Variants in MPDZ observed in about 807,000 individuals in gnomAD.
The protein encoded by MPDZ is multiple PDZ domain crumbs cell polarity complex component, also known as multiple PDZ domain protein.
A neutral mutation model predicts 239.1 loss-of-function variants in MPDZ; 234 were observed. The observed-to-expected ratio is 0.98, with a 90% confidence interval of 0.88 to 1.09. The LOEUF (loss-of-function observed/expected upper bound fraction) is 1.09. Among genes scored for constraint, MPDZ ranks in the 50% least tolerant of loss-of-function variants. MPDZ has a pLI of 0.00. For synonymous variants in MPDZ, 1,048 were observed against 881.3 expected, an observed-to-expected ratio of 1.19 and a Z score of -3.35; for missense variants, 3,175 against 2,510.0, an observed-to-expected ratio of 1.26 and a Z score of -5.66.
In MPDZ at chr9:13,162,779, C is replaced by T. The variant is rs1261053195; in HGVS notation, c.3271G>A (p.Ala1091Thr). Residue 1091 changes from alanine (A) to threonine (T), a missense_variant, in exon 23 of 47, where the codon GCA (alanine) becomes ACA (threonine). By Grantham distance (58) the Ala-to-Thr change is moderately conservative (BLOSUM62 0). Coordinates refer to ENST00000319217, the MANE Select transcript of MPDZ (RefSeq NM_001378778.1). ...GPDIKITYVP[A>T]EHLEEFKISL... ...ATTTTGAACTCTTCCAAATGTTCTGCAGGCACATAAGTAATTCTGGAACAA... is the reference window on the plus strand; with the variant it reads ...ATTTTGAACTCTTCCAAATGTTCTGTAGGCACATAAGTAATTCTGGAACAA... 6.2e-7 allele frequency: 1 copy of T among 1,609,638 alleles called. No individual in the cohort carries two copies. Among genetic ancestry groups the T allele is most frequent in the Admixed American group, 1.7e-5 (1 of 59,780 alleles).
chr9:13,131,221 G>C (rs1488932093), intron 32 of MPDZ, among the ~76,000 whole-genome samples: 1 of 151,978 alleles, frequency 6.6e-6, no homozygotes, highest in Non-Finnish European at 1.5e-5. Context: ...GGAGTGCCAG[G>C]CTTAGTGTAA....
chr9:13,212,776 C>A (rs938986710), intron 10 of MPDZ, among the ~76,000 whole-genome samples: 1 of 142,754 alleles, frequency 7.0e-6, no homozygotes, highest in Non-Finnish European at 1.5e-5. Flanking sequence ...AGTTCAAGAC[C>A]ACCTGGTCAA....
chr9:13,198,976 T>C (rs1350239780), intron 12 of MPDZ, among the ~76,000 whole-genome samples: 2 of 151,930 alleles, frequency 1.3e-5, no homozygotes, highest in African/African-American at 4.8e-5. Context: ...TATATAGATA[T>C]CTTTTGGTAG....
Position 13,205,021 on chromosome 9 carries a change from G to A in MPDZ, c.1546+15C>T, listed in dbSNP as rs2135625487. ...AAATAATGAAGTACACAATAAGCTG[G>A]CGCTAGGTGTTTACCTTCTTCTTCA... On this transcript the variant is annotated intron_variant, in intron 12 of 46. Transcript: ENST00000319217. 1.4e-6 allele frequency: 2 copies of A among 1,415,462 alleles called. No homozygotes were observed. Among genetic ancestry groups the A allele is most frequent in the Non-Finnish European group, 1.9e-6 (2 of 1,076,576 alleles). 87.7% of individuals were successfully genotyped at this position (1,415,462 alleles called of 1,614,324 possible). A position where few individuals can be genotyped will look rare whatever the true frequency, so the allele number is the denominator to read the frequency against.
At chr9:13,121,635 A>G in intron 38 of MPDZ, 104 bp downstream of exon 38, 1 of 1,197,490 alleles carries the variant, frequency 8.4e-7, no homozygotes, top group Non-Finnish European at 1.2e-6. Flanking sequence ...TACCTACTGA[A>G]CACTAGCCAC....
At chr9:13,171,968 T>C (rs1424197668) in intron 21 of MPDZ, among the ~76,000 whole-genome samples, 2 of 152,222 alleles carry the variant, frequency 1.3e-5, no homozygotes, top group Non-Finnish European at 2.9e-5. Flanking sequence ...CCTAACATAC[T>C]ATTTATCACA....
rs933491557 is a variant in MPDZ, at chr9:13,175,841, G to T, written c.2966C>A (p.Ala989Asp). The T allele has an allele frequency of 6.3e-7, 1 of 1,593,272 alleles. No homozygotes were observed. ...AAGCATGACACACTCAGCATTACAG[G>T]CCAGGGAGCTCTGTTCAAGCAGGTA... ...SEYLLEQSSL[A>D]CNAECVMLQN... The change falls in exon 21 of 47, where the codon GCC (alanine) becomes GAC (aspartate). Residue 989 changes from alanine to aspartate, a missense_variant. Transcript: ENST00000319217.
intron 8 of MPDZ, 106 bp downstream of exon 8, chr9:13,219,453 G>T: frequency 1.1e-6 from 1 of 925,480 alleles, no homozygotes; most frequent in Non-Finnish European, 1.6e-6. Context: ...CCATTCTTTA[G>T]CACTAATATA....
intron 22 of MPDZ, among the ~76,000 whole-genome samples, chr9:13,163,785 G>A (rs1445533641): frequency 6.6e-6 from 1 of 152,016 alleles, no homozygotes; most frequent in East Asian, 1.9e-4. Context: ...GGAGGGCAAA[G>A]ATAAAAAGAT....
chr9:13,237,030 T>C (rs1303250990), intron 3 of MPDZ, among the ~76,000 whole-genome samples: 1 of 152,210 alleles, frequency 6.6e-6, no homozygotes, highest in Non-Finnish European at 1.5e-5. Flanking sequence ...GCGCCTATCA[T>C]AAAGAGCAAT....
chr9:13,228,410 A>G (rs1159116779), intron 3 of MPDZ, among the ~76,000 whole-genome samples: 1 of 152,156 alleles, frequency 6.6e-6, no homozygotes, highest in East Asian at 1.9e-4. Flanking sequence ...TAAGTATTTA[A>G]AAGTACAGGA....
intron 12 of MPDZ, among the ~76,000 whole-genome samples, chr9:13,196,475 T>A (rs1041888624): frequency 3.3e-5 from 5 of 152,190 alleles, no homozygotes; most frequent in Non-Finnish European, 5.9e-5. Flanking sequence ...AAAGTGCCCA[T>A]GTATTATCTA....
At chr9:13,181,019 T>C (rs1281324290) in intron 19 of MPDZ, among the ~76,000 whole-genome samples, 1 of 152,128 alleles carries the variant, frequency 6.6e-6, no homozygotes, top group East Asian at 1.9e-4. Flanking sequence ...TTAGCACTGA[T>C]CACTTCTGGT....
intron 10 of MPDZ, 121 bp from the exon 11 acceptor site, chr9:13,206,220 C>A (rs1388838477): frequency 6.5e-6 from 6 of 919,736 alleles, no homozygotes; most frequent in Non-Finnish European, 9.4e-6. Context: ...AAGTATTCAC[C>A]TTATCAGGGA....
chr9:13,137,988 C>A lies in MPDZ; in HGVS notation c.4169G>T (p.Gly1390Val). 6.2e-7 allele frequency: 1 copy of A among 1,613,840 alleles called. No individual in the cohort carries two copies. Among genetic ancestry groups the A allele is most frequent in the African/African-American group, 1.3e-5 (1 of 75,046 alleles). Residue 1390 changes from glycine (G) to valine (V), a missense_variant, in exon 29 of 47, where the codon GGT (glycine) becomes GTT (valine). By Grantham distance (109) the Gly-to-Val change is moderately radical. Transcript: ENST00000319217. ...AAGCTCATCTGCAATTTGCAATCGACCATCTTTTCCTGCAGCTCCATTTGG... is the reference window on the plus strand; with the variant it reads ...AAGCTCATCTGCAATTTGCAATCGAACATCTTTTCCTGCAGCTCCATTTGG... The part of the protein sequence containing the change: ...IDPNGAAGKD[G>V]RLQIADELLE...
At chr9:13,135,884 C>G (rs370258559) in intron 31 of MPDZ, 18 of 410,722 alleles carry the variant, frequency 4.4e-5, no homozygotes, top group African/African-American at 3.5e-4. Context: ...TCACTATTCC[C>G]TAGGCAGACT....
In MPDZ at chr9:13,205,928, T is replaced by C. The variant is rs1564026394; in HGVS notation, c.1462A>G (p.Ser488Gly). 3 of 1,596,960 alleles carry C rather than the reference T, an allele frequency of 1.9e-6. No homozygotes were observed. Among genetic ancestry groups the C allele is most frequent in the Non-Finnish European group, 2.6e-6 (3 of 1,172,078 alleles). The change falls in exon 11 of 47, where the codon AGC (serine) becomes GGC (glycine). Residue 488 changes from serine to glycine, a missense_variant. Ser to Gly is a moderately conservative substitution (Grantham distance 56). Transcript: ENST00000319217. The stretch of plus-strand genomic sequence containing the variant: ...AACATAGGATTACCTTTGATTATGC[T>C]GGCATTAACAGGAGACAAATCTGCA... ...KDADLSPVNA[S>G]IIKENYEKDE...
Position 13,247,748 on chromosome 9 carries a change from G to A in MPDZ, c.70C>T (p.Arg24Cys), listed in dbSNP as rs759687715. ...AERLQTKLRERGDVANEDKLS... is the reference protein window; with the variant it reads ...AERLQTKLRECGDVANEDKLS... ...TTGTCTTCATTTGCTACATCCCCAC[G>A]TTCTCGCAGCTTGGTTTGCAAGCGC... Residue 24 changes from arginine to cysteine, a missense_variant, in exon 3 of 47, where the codon CGT becomes TGT. By Grantham distance (180) the Arg-to-Cys change is radical. Transcript: ENST00000319217. 9.9e-6 allele frequency: 16 copies of A among 1,612,702 alleles called. No homozygotes were observed. The highest frequency in any genetic ancestry group is 1.6e-4 in the Middle Eastern group (1 of 6,072).
intron 40 of MPDZ, among the ~76,000 whole-genome samples, chr9:13,114,765 TG>T (rs926827511): frequency 6.6e-6 from 1 of 151,900 alleles, no homozygotes; most frequent in African/African-American, 2.4e-5. Flanking sequence ...CCAGGCATGG[TG>T]GTGCACGCCT....
Sources: gnomAD v4.1 joint callset for allele counts (sites outside exome capture counted in the v4.1 genomes callset) on GRCh38, gnomAD v4.1.1 for gene constraint, MANE v1.5 for transcripts, NCBI Gene and HGNC (gene_info 2026-07-23, HGNC 2026-07-21) for gene names.